SCYL3: variants seen among roughly 807,000 people sequenced by gnomAD.
SCYL3 encodes the protein protein-associating with the carboxyl-terminal domain of ezrin.
A neutral mutation model predicts 73.8 loss-of-function variants in SCYL3; 35 were observed. That is an observed-to-expected ratio of 0.47 (90% CI 0.36 to 0.63). The LOEUF is 0.63. Ranked by LOEUF, SCYL3 falls within the 20% of genes least tolerant of loss-of-function variation. The pLI is 0.00. For synonymous variants in SCYL3, 277 were observed against 295.2 expected, an observed-to-expected ratio of 0.94 and a Z score of 0.63; for missense variants, 712 against 798.9, an observed-to-expected ratio of 0.89 and a Z score of 1.31.
chr1:169,870,144 A>G, intron 6 of SCYL3, 111 bp downstream of exon 6: 1 of 775,204 alleles, frequency 1.3e-6, no homozygotes, highest in Non-Finnish European at 2.0e-6. Flanking sequence ...CTGGTAAGCA[A>G]AAGATTCCTT....
chr1:169,881,114 T>C (rs1661215147), intron 2 of SCYL3, among the ~76,000 whole-genome samples: 1 of 152,222 alleles, frequency 6.6e-6, no homozygotes, highest in African/African-American at 2.4e-5. Flanking sequence ...AAAGCAGATA[T>C]TGTAATACTT....
At chr1:169,881,352 C>T (rs1003962381) in intron 2 of SCYL3, among the ~76,000 whole-genome samples, 5 of 152,090 alleles carry the variant, frequency 3.3e-5, no homozygotes, top group African/African-American at 1.2e-4. Flanking sequence ...GATTTTAATA[C>T]TTTCGTAAAA....
rs869158038 is a variant in SCYL3 at position 169,850,980 on chromosome 1, C to CTTTTTTTTTTTTTTTTTTTTTT, written c.*2711_*2732dup. On this transcript the variant is annotated 3_prime_UTR_variant, in exon 13 of 13. Coordinates refer to ENST00000367771, the MANE Select transcript of SCYL3 (RefSeq NM_020423.7). ...TATTTTGGGTATAATTTAGGCATGG[C>CTTTTTTTTTTTTTTTTTTTTTT]TTTTTTTTTTTTTTTTTTTTTTTTT... is the stretch of plus-strand genomic sequence containing the variant. 3.2e-5 allele frequency: 1 copy of CTTTTTTTTTTTTTTTTTTTTTT among 31,570 alleles called. No individual in the cohort carries two copies. The highest frequency in any genetic ancestry group is 4.9e-5 in the Non-Finnish European group (1 of 20,246). 2.0% of individuals were successfully genotyped at this position (31,570 alleles called of 1,614,324 possible).
At chr1:169,869,217 T>C (rs1319856802) in intron 6 of SCYL3, 178 bp from the exon 7 acceptor site, 2 of 572,598 alleles carry the variant, frequency 3.5e-6, no homozygotes, top group African/African-American at 1.9e-5. Context: ...GTGTAGAAAG[T>C]TGTCCTGCCA....
At position 169,888,731 on chromosome 1, in the gene SCYL3, G is replaced by A; in HGVS notation, c.110C>T (p.Ala37Val). 6.2e-7 allele frequency: 1 copy of A among 1,613,996 alleles called. No individual in the cohort carries two copies. Among genetic ancestry groups the A allele is most frequent in the Non-Finnish European group, 8.5e-7 (1 of 1,179,958 alleles). ...TTCTCTCTTATACACAAAAACTGAA[G>A]CAAATTTGCCATCTTGCAGTACAGC... ...YPAVLQDGKFASVFVYKRENE... is the reference protein window; with the variant it reads ...YPAVLQDGKFVSVFVYKRENE... The change falls in exon 2 of 13, where the codon GCT (alanine) becomes GTT (valine). Residue 37 changes from alanine to valine, a missense_variant. Around this residue, in one of 2 missense-constraint regions of SCYL3, gnomAD observed 342 missense variants for 448.1 expected, o/e 0.76. Transcript: ENST00000367771.
chr1:169,866,712 T>C (rs748629935), intron 8 of SCYL3, among the ~76,000 whole-genome samples, 184 bp downstream of exon 8: 1 of 152,226 alleles, frequency 6.6e-6, no homozygotes, highest in South Asian at 2.1e-4. Context: ...TCAGTCTGGG[T>C]ATCTATTTCT....
At chr1:169,891,093 G>A (rs1389247354) in intron 1 of SCYL3, among the ~76,000 whole-genome samples, 1 of 152,150 alleles carries the variant, frequency 6.6e-6, no homozygotes, top group African/African-American at 2.4e-5. Flanking sequence ...AGATAAACTG[G>A]CCAGATCATT....
rs1423954870 is a variant in SCYL3, at chr1:169,856,298, TTAAGAATAAAAG to T, written c.1313-1346_1313-1335del. On this transcript the variant is annotated intron_variant, in intron 11 of 12. Coordinates refer to ENST00000367771, the MANE Select transcript of SCYL3 (RefSeq NM_020423.7). ...CCAACTGATTCTACTTACTTTCCTT[TTAAGAATAAAAG>T]TTGAAGAGTATAAGCATAAGAATAT... Among the ~76,000 whole-genome samples, 11 of 152,292 alleles carry T rather than the reference TTAAGAATAAAAG, an allele frequency of 7.2e-5. No individual in the cohort carries two copies. In the East Asian group the frequency reaches 2.1e-3, roughly 29 times the overall value.
At position 169,851,196 on chromosome 1, in the gene SCYL3, A is replaced by T. The variant is rs1287958717; in HGVS notation, c.*2517T>A. The T allele has an allele frequency of 6.6e-6, 1 of 152,608 alleles. No individual in the cohort carries two copies. The highest frequency in any genetic ancestry group is 1.9e-4 in the East Asian group (1 of 5,176). The allele number at this position is 152,608 out of a possible 1,614,324, so 9.5% of individuals were successfully genotyped here. On this transcript the variant is annotated 3_prime_UTR_variant, in exon 13 of 13. Transcript: ENST00000367771. ...AACTTAGTGTGAGGAAATAATAGTT[A>T]ATTGAAATACTAGTGGAACTGTTAA...
Position 169,878,729 on chromosome 1 carries a change from G to T in SCYL3, c.256C>A (p.Gln86Lys), listed in dbSNP as rs770722465. ...DGIHLVTERV[Q>K]PLEVALETLS... ...GTTTCCAAAGCCACTTCCAGGGGCT[G>T]TACTCGCTCAGTGACAAGATGAATG... The change falls in exon 3 of 13, where the codon CAG (glutamine) becomes AAG (lysine). Residue 86 changes from glutamine (Q) to lysine (K), a missense_variant. Around this residue, in one of 2 missense-constraint regions of SCYL3, gnomAD observed 342 missense variants for 448.1 expected, o/e 0.76. Transcript: ENST00000367771. The T allele has an allele frequency of 6.2e-7, 1 of 1,614,068 alleles. No individual in the cohort carries two copies. Among genetic ancestry groups the T allele is most frequent in the Admixed American group, 1.7e-5 (1 of 60,026 alleles).
chr1:169,870,339 G>C lies in SCYL3; in HGVS notation c.541C>G (p.Leu181Val), dbSNP rs767408385. Residue 181 changes from leucine to valine, a missense_variant, in exon 6 of 13, where the codon CTC becomes GTC. Leu to Val is a conservative substitution (Grantham distance 32). Around this residue, in one of 2 missense-constraint regions of SCYL3, gnomAD observed 342 missense variants for 448.1 expected, o/e 0.76. Transcript: ENST00000367771. ...CGGGCATGTCCATGACACTCTGGGA[G>C]AGTTGTGAATTCTGGAGACTAAAAG... The part of the protein sequence containing the change: ...PEEMSPEFTT[L>V]PECHGHARDA... 30 of 1,612,128 alleles carry C rather than the reference G, an allele frequency of 1.9e-5. No homozygotes were observed. The East Asian group carries it at 6.7e-4, about 36-fold the overall frequency.
chr1:169,856,781 T>A (rs1033455899), intron 11 of SCYL3, among the ~76,000 whole-genome samples: 1 of 152,176 alleles, frequency 6.6e-6, no homozygotes, highest in Admixed American at 6.5e-5. Flanking sequence ...AGCCTCTACA[T>A]CACCCTTTTC....
chr1:169,869,238 AC>A, intron 6 of SCYL3, 199 bp from the exon 7 acceptor site: 1 of 548,924 alleles, frequency 1.8e-6, no homozygotes. Flanking sequence ...CCACCATCAA[AC>A]CCCACCCCAG....
chr1:169,859,806 A>G (rs1659482937), intron 10 of SCYL3: 1 of 152,428 alleles, frequency 6.6e-6, no homozygotes, highest in Non-Finnish European at 1.5e-5. Flanking sequence ...AGGCTGAGGC[A>G]TGTGGATCAC....
rs938636394 is a variant in SCYL3 at position 169,873,718 on chromosome 1, G to A, written c.500C>T (p.Ala167Val). 4.4e-6 allele frequency: 7 copies of A among 1,604,056 alleles called. No individual in the cohort carries two copies. The Admixed American group carries it at 6.7e-5, about 15-fold the overall frequency. Residue 167 changes from alanine to valine, a missense_variant, in exon 5 of 13, where the codon GCA (alanine) becomes GTA (valine). Ala to Val is a moderately conservative substitution (Grantham distance 64). Transcript: ENST00000367771. ...TACCATCTCTTCAGGAGGGATAGAT[G>A]CTGGGTCTCTTATTGACTGAATACT... ...LRSIQSIRDP[A>V]SIPPEEMSPE... is the part of the protein sequence containing the mutation.
chr1:169,864,447 G>A lies in SCYL3; in HGVS notation c.877C>T (p.Leu293Phe). 1 of 1,613,962 alleles carries A rather than the reference G, an allele frequency of 6.2e-7. No homozygotes were observed. Among genetic ancestry groups the A allele is most frequent in the Non-Finnish European group, 8.5e-7 (1 of 1,179,974 alleles). The part of the protein sequence containing the change: ...EELIASRLVP[L>F]LLNQLVFAEP... ...GCAAACACCAACTGATTAAGCAGAA[G>A]AGGCACCAACCTTGAAGCTATCAAT... Residue 293 changes from leucine (L) to phenylalanine (F), a missense_variant, in exon 9 of 13, where the codon CTT becomes TTT. Around this residue, in one of 2 missense-constraint regions of SCYL3, gnomAD observed 342 missense variants for 448.1 expected, o/e 0.76. Coordinates refer to ENST00000367771, the MANE Select transcript of SCYL3 (RefSeq NM_020423.7).
At chr1:169,864,654 C>A (rs767346671) in intron 8 of SCYL3, 146 bp from the exon 9 acceptor site, 3 of 860,854 alleles carry the variant, frequency 3.5e-6, no homozygotes, top group Non-Finnish European at 5.1e-6. Flanking sequence ...CAGATTGGTC[C>A]CCAAGTACTT....
intron 2 of SCYL3, among the ~76,000 whole-genome samples, chr1:169,885,198 A>G (rs576623114): frequency 1.3e-5 from 2 of 152,334 alleles, no homozygotes; most frequent in East Asian, 1.9e-4. Context: ...TTAAATATGA[A>G]TAGTATTATA....
At chr1:169,859,005 G>T in intron 11 of SCYL3, 36 bp downstream of exon 11, 1 of 1,580,880 alleles carries the variant, frequency 6.3e-7, no homozygotes, top group South Asian at 1.1e-5. Context: ...CTAAAAAAAT[G>T]ACACACAAAA....
Sources: gnomAD v4.1 joint callset for allele counts (sites outside exome capture counted in the v4.1 genomes callset) on GRCh38, gnomAD v4.1.1 for gene constraint, gnomAD v4.1.1 regional missense constraint, MANE v1.5 for transcripts, NCBI Gene and HGNC (gene_info 2026-07-23, HGNC 2026-07-21) for gene names.